The following DIP2C variants were observed in gnomAD, a reference collection of about 807,000 sequenced individuals.
DIP2C encodes DIP2 acetate--CoA ligase C (putative), also known as disco-interacting protein 2 homolog C.
A neutral mutation model predicts 192.4 loss-of-function variants in DIP2C; 33 were observed. That is an observed-to-expected ratio of 0.17 (90% CI 0.13 to 0.23). The LOEUF is 0.23. Ranked by LOEUF, DIP2C falls within the 10% of genes least tolerant of loss-of-function variation. The pLI is 1.00. For synonymous variants in DIP2C, 979 were observed against 864.1 expected, an observed-to-expected ratio of 1.13 and a Z score of -2.33; for missense variants, 1,537 against 2,110.1, an observed-to-expected ratio of 0.73 and a Z score of 5.32.
intron 17 of DIP2C, among the ~76,000 whole-genome samples, chr10:375,591 T>C (rs1961465835): frequency 6.6e-6 from 1 of 152,212 alleles, no homozygotes; most frequent in East Asian, 1.9e-4. Context: ...TGTCATAGCA[T>C]TTCCAGCCTC....
At chr10:492,573 G>A (rs4881345) in intron 1 of DIP2C, among the ~76,000 whole-genome samples, 125,882 of 152,260 alleles carry the variant, frequency 0.83, 54,314 homozygotes, top group Non-Finnish European at 0.94. Flanking sequence ...CTAGCGCCCC[G>A]CACTCTGGGC....
chr10:432,972 T>G (rs1966889006), intron 4 of DIP2C, among the ~76,000 whole-genome samples: 1 of 152,248 alleles, frequency 6.6e-6, no homozygotes, highest in Non-Finnish European at 1.5e-5. Context: ...TCATTGTGGT[T>G]GAGAACATAC....
At chr10:315,182 G>A (rs373782276) in intron 31 of DIP2C, among the ~76,000 whole-genome samples, 12 of 152,244 alleles carry the variant, frequency 7.9e-5, no homozygotes, top group African/African-American at 2.9e-4. Context: ...TGTCTCATCT[G>A]TTATTCCTAC....
At chr10:487,601 A>T (rs1221657218) in intron 1 of DIP2C, among the ~76,000 whole-genome samples, 1 of 108,404 alleles carries the variant, frequency 9.2e-6, no homozygotes, top group Non-Finnish European at 1.7e-5. Flanking sequence ...TTTTTTTGAG[A>T]CAGTCTCTCT....
At position 589,566 on chromosome 10, in the gene DIP2C, G is replaced by A. The variant is rs77753594; in HGVS notation, c.85+99928C>T. On this transcript the variant is annotated intron_variant, in intron 1 of 36. Transcript: ENST00000280886. Reference sequence around the variant, plus strand: ...TCCGATAATTCCAGCACCATTTGTTGAAAAGACTCAAATTCCACTGACCTG... The same window carrying A: ...TCCGATAATTCCAGCACCATTTGTTAAAAAGACTCAAATTCCACTGACCTG... Among the ~76,000 whole-genome samples, 717 of 152,232 alleles carry A rather than the reference G, an allele frequency of 4.7e-3. 5 individuals are homozygous for A. The highest frequency in any genetic ancestry group is 0.016 in the African/African-American group (663 of 41,524).
chr10:685,270 C>T (rs1024736305), intron 1 of DIP2C, among the ~76,000 whole-genome samples: 1 of 149,698 alleles, frequency 6.7e-6, no homozygotes, highest in Non-Finnish European at 1.5e-5. Flanking sequence ...CGAGCCTTCA[C>T]CTCCCTCTGC....
intron 1 of DIP2C, among the ~76,000 whole-genome samples, chr10:670,830 T>C (rs1296542575): frequency 1.3e-5 from 2 of 152,202 alleles, no homozygotes; most frequent in Non-Finnish European, 1.5e-5. Context: ...ATATTCTTCA[T>C]GGAATTTTGT....
At chr10:374,533 T>G (rs1961345307) in intron 17 of DIP2C, among the ~76,000 whole-genome samples, 1 of 152,226 alleles carries the variant, frequency 6.6e-6, no homozygotes. Flanking sequence ...CCAAAGCCAC[T>G]GCTGTGGAGT....
At chr10:631,092 C>T (rs972499917) in intron 1 of DIP2C, 1 of 152,366 alleles carries the variant, frequency 6.6e-6, no homozygotes, top group South Asian at 2.1e-4. Flanking sequence ...GGTCAGATAT[C>T]AATGCTAACA....
intron 3 of DIP2C, among the ~76,000 whole-genome samples, chr10:456,609 G>A (rs377754618): frequency 6.6e-6 from 1 of 152,200 alleles, no homozygotes; most frequent in East Asian, 1.9e-4. Flanking sequence ...AGAGAAGAAA[G>A]CCAAGCCTGG....
intron 1 of DIP2C, among the ~76,000 whole-genome samples, chr10:627,230 C>T (rs1336310683): frequency 3.9e-5 from 6 of 152,234 alleles, no homozygotes; most frequent in African/African-American, 1.4e-4. Context: ...GCTGCTTTCC[C>T]TCCAGGCGTC....
At chr10:430,208 C>T (rs1386348497) in intron 4 of DIP2C, 2 of 152,176 alleles carry the variant, frequency 1.3e-5, no homozygotes, top group East Asian at 3.8e-4. Context: ...ATCTGTTAGT[C>T]TTTGACCCAT....
At chr10:503,861 A>G (rs563077160) in intron 1 of DIP2C, among the ~76,000 whole-genome samples, 2 of 152,330 alleles carry the variant, frequency 1.3e-5, no homozygotes, top group African/African-American at 4.8e-5. Flanking sequence ...CCTACATCAG[A>G]CGTTTTGTCT....
chr10:631,611 G>A (rs151012690), intron 1 of DIP2C, among the ~76,000 whole-genome samples: 1 of 152,238 alleles, frequency 6.6e-6, no homozygotes, highest in African/African-American at 2.4e-5. Context: ...GAAAGGAAAC[G>A]CTAAAGATTG....
intron 1 of DIP2C, among the ~76,000 whole-genome samples, chr10:525,726 C>G (rs1847013810): frequency 6.6e-6 from 1 of 152,148 alleles, no homozygotes; most frequent in South Asian, 2.1e-4. Context: ...CCCCGTACAC[C>G]CATCAGCACA....
chr10:329,619 G>T lies in DIP2C; in HGVS notation c.3585-18C>A. ...AATACACACTGCAGAGAAAGAAGAG[G>T]CTGTCAGGGCGGGAGCTCAGCAAGG... On this transcript the variant is annotated intron_variant, in intron 29 of 36. Transcript: ENST00000280886. The T allele has an allele frequency of 6.2e-7, 1 of 1,611,952 alleles. No homozygotes were observed. The highest frequency in any genetic ancestry group is 2.2e-5 in the East Asian group (1 of 44,840).
intron 32 of DIP2C, among the ~76,000 whole-genome samples, chr10:303,015 A>G (rs1475467158): frequency 6.6e-6 from 1 of 152,132 alleles, no homozygotes; most frequent in Admixed American, 6.5e-5. Flanking sequence ...GTAGGTTCGT[A>G]AACACCGTAC....
chr10:549,163 C>A (rs1361334774), intron 1 of DIP2C, among the ~76,000 whole-genome samples: 1 of 152,138 alleles, frequency 6.6e-6, no homozygotes, highest in Non-Finnish European at 1.5e-5. Context: ...ATGCAAAATT[C>A]ACGTTCAAAT....
chr10:449,921 A>AAC (rs1491485896), intron 3 of DIP2C, among the ~76,000 whole-genome samples: 3 of 5,396 alleles, frequency 5.6e-4, no homozygotes, highest in African/African-American at 6.1e-4. Flanking sequence ...CAACAACAAC[A>AAC]AAAAAAAAAA....
Sources: gnomAD v4.1 joint callset for allele counts (sites outside exome capture counted in the v4.1 genomes callset) on GRCh38, gnomAD v4.1.1 for gene constraint, MANE v1.5 for transcripts, NCBI Gene and HGNC (gene_info 2026-07-23, HGNC 2026-07-21) for gene names.